Variants in RTL4 observed in about 807,000 individuals in gnomAD.
The protein encoded by RTL4 is retrotransposon Gag-like protein 4.
In RTL4, 4 loss-of-function variants were observed where a neutral mutation model predicts 5.3. That is an observed-to-expected ratio of 0.75 (90% CI 0.37 to 1.72). RTL4 has a LOEUF of 1.72. RTL4 is among the 40% of genes most tolerant of loss of function. The pLI is 0.04. For synonymous variants in RTL4, 98 were observed against 87.3 expected (o/e 1.12, Z -0.68); for missense variants, 260 against 227.1 (o/e 1.14, Z -0.93).
chrX:112,184,244 C>T, the RTL4 span, among the ~76,000 whole-genome samples: 151 of 109,191 alleles, frequency 1.4e-3, 2 homozygotes, highest in East Asian at 0.033. Context: ...GGAGATATAT[C>T]TAATGTAAAT....
chrX:112,153,899 T>A, the RTL4 span, among the ~76,000 whole-genome samples: 1 of 111,312 alleles, frequency 9.0e-6, no homozygotes, highest in Non-Finnish European at 1.9e-5. Flanking sequence ...AAGGTTTCAG[T>A]CATTATTTCT....
At chrX:112,403,040 T>G in the RTL4 span, among the ~76,000 whole-genome samples, 1 of 111,970 alleles carries the variant, frequency 8.9e-6, no homozygotes, top group East Asian at 2.8e-4. Flanking sequence ...CACTTTGCCC[T>G]GTTAAACTCA....
At chrX:112,310,832 A>T in the RTL4 span, among the ~76,000 whole-genome samples, 1 of 87,710 alleles carries the variant, frequency 1.1e-5, no homozygotes, top group East Asian at 3.3e-4. Context: ...TTAATACATT[A>T]TATATTATAT....
chrX:112,188,570 G>T, the RTL4 span, among the ~76,000 whole-genome samples: 2 of 111,701 alleles, frequency 1.8e-5, no homozygotes, highest in African/African-American at 6.5e-5. Context: ...TACTTAGAAT[G>T]AGTCACCAAC....
At chrX:112,260,366 A>T in the RTL4 span, among the ~76,000 whole-genome samples, 4 of 111,611 alleles carry the variant, frequency 3.6e-5, no homozygotes, top group African/African-American at 1.3e-4. Context: ...TTACTCTGCG[A>T]TTGAAAAAGA....
At chrX:112,395,439 T>G in the RTL4 span, among the ~76,000 whole-genome samples, 1 of 111,049 alleles carries the variant, frequency 9.0e-6, no homozygotes, top group Non-Finnish European at 1.9e-5. Context: ...AAATAAAATT[T>G]ACTTAAAAAA....
At chrX:112,168,103 G>A in the RTL4 span, among the ~76,000 whole-genome samples, 1 of 111,111 alleles carries the variant, frequency 9.0e-6, no homozygotes, top group Non-Finnish European at 1.9e-5. Context: ...TGCAAGCTGA[G>A]CAAAGGATCT....
the RTL4 span, among the ~76,000 whole-genome samples, chrX:112,247,691 G>A: frequency 1.8e-5 from 2 of 112,282 alleles, no homozygotes; most frequent in South Asian, 3.7e-4. Flanking sequence ...TTAAATCCCG[G>A]TTTGATGCCA....
At chrX:112,332,704 A>G in the RTL4 span, among the ~76,000 whole-genome samples, 1 of 106,160 alleles carries the variant, frequency 9.4e-6, no homozygotes, top group Non-Finnish European at 1.9e-5. Flanking sequence ...GGGAGAAGGG[A>G]TAGCATTAGG....
chrX:112,385,538 G>A, the RTL4 span, among the ~76,000 whole-genome samples: 1 of 110,612 alleles, frequency 9.0e-6, no homozygotes, highest in South Asian at 3.8e-4. Context: ...GTTTCTGGAT[G>A]TTATTTTGTG....
the RTL4 span, among the ~76,000 whole-genome samples, chrX:112,169,209 G>A: frequency 9.3e-6 from 1 of 107,882 alleles, no homozygotes; most frequent in Non-Finnish European, 1.9e-5. Flanking sequence ...TCGTCTCCCA[G>A]GTTTAAGTGA....
At chrX:112,271,812 A>C in the RTL4 span, among the ~76,000 whole-genome samples, 1 of 112,120 alleles carries the variant, frequency 8.9e-6, no homozygotes, top group East Asian at 2.8e-4. Flanking sequence ...TGATACAGGC[A>C]TACAATACAT....
At chrX:112,417,260 G>T in the RTL4 span, among the ~76,000 whole-genome samples, 2 of 111,733 alleles carry the variant, frequency 1.8e-5, no homozygotes, top group Non-Finnish European at 3.8e-5. Flanking sequence ...AGGTATTGTT[G>T]TGCCCGTCAA....
chrX:112,153,459 C>A, the RTL4 span, among the ~76,000 whole-genome samples: 1 of 111,946 alleles, frequency 8.9e-6, no homozygotes, highest in Non-Finnish European at 1.9e-5. Flanking sequence ...ATTGTTGAGA[C>A]ATTTTTGTCA....
At chrX:112,160,340 T>C in the RTL4 span, among the ~76,000 whole-genome samples, 1 of 111,805 alleles carries the variant, frequency 8.9e-6, no homozygotes, top group Non-Finnish European at 1.9e-5. Context: ...TTGATCTAGG[T>C]TTTAGACTTG....
At chrX:112,116,802 T>C in the RTL4 span, among the ~76,000 whole-genome samples, 1 of 111,542 alleles carries the variant, frequency 9.0e-6, no homozygotes. Context: ...GTGGCAAAAA[T>C]CAGCATATTG....
chrX:112,317,339 G>C, the RTL4 span, among the ~76,000 whole-genome samples: 1 of 111,730 alleles, frequency 9.0e-6, no homozygotes, highest in Non-Finnish European at 1.9e-5. Flanking sequence ...ATTACCAAAG[G>C]CTTCATTAAT....
the RTL4 span, among the ~76,000 whole-genome samples, chrX:112,380,797 C>T: frequency 2.2e-4 from 25 of 111,573 alleles, no homozygotes; most frequent in Admixed American, 2.4e-3. Flanking sequence ...GAAGTGGGGG[C>T]GCGGAGCAAG....
At chrX:112,346,644 C>T in the RTL4 span, among the ~76,000 whole-genome samples, 13,133 of 110,486 alleles carry the variant, frequency 0.12, 1,922 homozygotes, top group African/African-American at 0.41. Context: ...TTGGCAATCA[C>T]AATGAAGGAA....
Sources: allele counts gnomAD v4.1 joint callset (sites outside exome capture counted in the v4.1 genomes callset), GRCh38; gene constraint gnomAD v4.1.1; transcripts MANE v1.5; gene names NCBI Gene and HGNC (gene_info 2026-07-23, HGNC 2026-07-21).